Variants in EYS observed in about 807,000 individuals in gnomAD.
The protein encoded by EYS is protein eyes shut homolog.
A neutral mutation model predicts 282.1 loss-of-function variants in EYS; 250 were observed. The ratio of observed to expected loss-of-function variants is 0.89; its 90% CI spans 0.80 to 0.98. The LOEUF (loss-of-function observed/expected upper bound fraction) is 0.98. Ranked by LOEUF, EYS falls within the 50% of genes least tolerant of loss-of-function variation. EYS has a pLI of 0.00. For missense variants in EYS, 4,016 were observed against 3,709.0 expected (o/e 1.08, Z -2.15); for synonymous variants, 1,355 against 1,282.9 (o/e 1.06, Z -1.20).
chr6:64,877,352 T>C (rs1475209031), intron 19 of EYS, among the ~76,000 whole-genome samples: 1 of 152,126 alleles, frequency 6.6e-6, no homozygotes, highest in East Asian at 1.9e-4. Flanking sequence ...GGTATATGAG[T>C]TGAGAGTTCA....
chr6:64,529,451 C>T (rs772698696), intron 26 of EYS, among the ~76,000 whole-genome samples: 13 of 151,988 alleles, frequency 8.6e-5, no homozygotes, highest in South Asian at 2.1e-4. Context: ...AAGATGAGAA[C>T]GAGATTAATC....
At chr6:64,357,140 A>T (rs889755723) in intron 29 of EYS, among the ~76,000 whole-genome samples, 2 of 151,704 alleles carry the variant, frequency 1.3e-5, no homozygotes, top group African/African-American at 4.8e-5. Context: ...TCAAAACAAA[A>T]TAATTAAAAT....
chr6:65,271,586 TA>T (rs1384583633), intron 12 of EYS, among the ~76,000 whole-genome samples: 1 of 152,026 alleles, frequency 6.6e-6, no homozygotes, highest in Non-Finnish European at 1.5e-5. Context: ...TTTTTTTTAT[TA>T]TTTTTTATTT....
intron 22 of EYS, among the ~76,000 whole-genome samples, chr6:64,762,988 G>A (rs1442596276): frequency 6.6e-6 from 1 of 152,150 alleles, no homozygotes; most frequent in Non-Finnish European, 1.5e-5. Context: ...GTTATTGAAA[G>A]TAACTTGCTG....
chr6:65,585,459 A>G (rs2127363740), intron 2 of EYS, among the ~76,000 whole-genome samples: 1 of 152,092 alleles, frequency 6.6e-6, no homozygotes, highest in South Asian at 2.1e-4. Flanking sequence ...TAATTTTAAA[A>G]CTAAAATAAT....
intron 2 of EYS, among the ~76,000 whole-genome samples, chr6:65,502,704 T>A (rs1766498736): frequency 6.6e-6 from 1 of 151,650 alleles, no homozygotes; most frequent in South Asian, 2.1e-4. Flanking sequence ...TTGCCTTGTT[T>A]TGATGACCTT....
intron 31 of EYS, among the ~76,000 whole-genome samples, chr6:64,137,798 G>A (rs1161478113): frequency 4.6e-5 from 7 of 151,958 alleles, no homozygotes; most frequent in Admixed American, 4.6e-4. Flanking sequence ...TACTAATACT[G>A]GTAAAGTTTA....
intron 8 of EYS, among the ~76,000 whole-genome samples, chr6:65,374,560 AC>A (rs1054968006): frequency 6.8e-6 from 1 of 147,676 alleles, no homozygotes; most frequent in African/African-American, 2.5e-5. Context: ...AGAACCATTT[AC>A]TCCCCTGGAA....
intron 42 of EYS, among the ~76,000 whole-genome samples, chr6:63,722,756 C>T (rs767534063): frequency 2.6e-5 from 4 of 152,192 alleles, no homozygotes; most frequent in Non-Finnish European, 4.4e-5. Context: ...CCTATTTCCA[C>T]ACCTCCCTCC....
At chr6:65,628,468 C>G (rs1196258236) in intron 2 of EYS, among the ~76,000 whole-genome samples, 1 of 152,180 alleles carries the variant, frequency 6.6e-6, no homozygotes, top group Non-Finnish European at 1.5e-5. Context: ...CCCCTGGGGT[C>G]CCCTTCCACA....
At chr6:64,074,765 A>G (rs922037366) in intron 32 of EYS, among the ~76,000 whole-genome samples, 1 of 151,964 alleles carries the variant, frequency 6.6e-6, no homozygotes, top group African/African-American at 2.4e-5. Context: ...GATTTCTATC[A>G]TCTACCTTAA....
intron 13 of EYS, among the ~76,000 whole-genome samples, chr6:65,001,255 G>C (rs1485375719): frequency 1.4e-5 from 2 of 147,578 alleles, no homozygotes; most frequent in Non-Finnish European, 3.0e-5. Context: ...GTCACACATG[G>C]GCTTGAAGGT....
intron 34 of EYS, among the ~76,000 whole-genome samples, chr6:63,996,433 A>G (rs1767839971): frequency 6.6e-6 from 1 of 152,166 alleles, no homozygotes; most frequent in Non-Finnish European, 1.5e-5. Context: ...TGTGTATATA[A>G]TTAACTGTAC....
At chr6:63,924,196 C>T (rs903644032) in intron 35 of EYS, among the ~76,000 whole-genome samples, 5 of 152,148 alleles carry the variant, frequency 3.3e-5, no homozygotes, top group Admixed American at 2.6e-4. Context: ...GGGTCTTATG[C>T]TACAGTTTCT....
intron 11 of EYS, among the ~76,000 whole-genome samples, chr6:65,333,354 T>C (rs935637011): frequency 6.6e-6 from 1 of 151,756 alleles, no homozygotes; most frequent in Non-Finnish European, 1.5e-5. Flanking sequence ...AAGTTACTTA[T>C]TGATTTTGAT....
intron 14 of EYS, among the ~76,000 whole-genome samples, chr6:64,995,091 A>G (rs1178143393): frequency 6.6e-6 from 1 of 152,138 alleles, no homozygotes; most frequent in Non-Finnish European, 1.5e-5. Flanking sequence ...GCTTTGGGGC[A>G]TGCTGCATCA....
chr6:64,421,596 T>C (rs1248931716), intron 28 of EYS, among the ~76,000 whole-genome samples: 3 of 152,208 alleles, frequency 2.0e-5, no homozygotes, highest in Non-Finnish European at 4.4e-5. Context: ...CAATTTATCT[T>C]TGGCTCATGA....
intron 14 of EYS, among the ~76,000 whole-genome samples, chr6:64,996,688 T>C (rs566732687): frequency 6.6e-6 from 1 of 152,326 alleles, no homozygotes; most frequent in Non-Finnish European, 1.5e-5. Context: ...AGTTATTCCA[T>C]TAGGTATCTG....
chr6:64,233,163 T>C (rs762749672), intron 30 of EYS, among the ~76,000 whole-genome samples: 18 of 152,152 alleles, frequency 1.2e-4, no homozygotes, highest in Non-Finnish European at 2.2e-4. Flanking sequence ...AAATCAATAT[T>C]TTGCACATTT....
Sources: gnomAD v4.1 joint callset for allele counts (sites outside exome capture counted in the v4.1 genomes callset) on GRCh38, gnomAD v4.1.1 for gene constraint, MANE v1.5 for transcripts, NCBI Gene and HGNC (gene_info 2026-07-23, HGNC 2026-07-21) for gene names.